Variants in CTTNBP2NL observed in about 807,000 individuals in gnomAD.
CTTNBP2NL encodes the protein CTTNBP2 N-terminal-like protein.
A neutral mutation model predicts 32.5 loss-of-function variants in CTTNBP2NL; 16 were observed. The ratio of observed to expected loss-of-function variants is 0.49; its 90% CI spans 0.33 to 0.75. The LOEUF is 0.75. Among genes scored for constraint, CTTNBP2NL ranks in the 30% least tolerant of loss-of-function variants. CTTNBP2NL has a pLI of 0.02. For synonymous variants in CTTNBP2NL, 298 were observed against 289.4 expected (o/e 1.03, Z -0.30); for missense variants, 645 against 756.0 (o/e 0.85, Z 1.72).
At chr1:112,425,278 C>T (rs912022557) in intron 3 of CTTNBP2NL, among the ~76,000 whole-genome samples, 1 of 151,830 alleles carries the variant, frequency 6.6e-6, no homozygotes, top group Non-Finnish European at 1.5e-5. Context: ...CAAGACCAGC[C>T]TGGTTAACAT....
intron 3 of CTTNBP2NL, among the ~76,000 whole-genome samples, chr1:112,423,566 G>A (rs1199177820): frequency 6.6e-6 from 1 of 151,932 alleles, no homozygotes; most frequent in African/African-American, 2.4e-5. Flanking sequence ...TGCATCTTTT[G>A]TAGACAGGAA....
At chr1:112,432,498 A>G (rs920333169) in intron 3 of CTTNBP2NL, among the ~76,000 whole-genome samples, 1 of 152,176 alleles carries the variant, frequency 6.6e-6, no homozygotes, top group Non-Finnish European at 1.5e-5. Flanking sequence ...TTGTATTATT[A>G]TTAAGTCTCT....
chr1:112,424,481 T>G lies in CTTNBP2NL; in HGVS notation c.99+8217T>G, dbSNP rs1480512226. Among the ~76,000 whole-genome samples, 4 of 152,242 alleles carry G rather than the reference T, an allele frequency of 2.6e-5. No individual in the cohort carries two copies. In the East Asian group the frequency reaches 7.7e-4, roughly 29 times the overall value. On this transcript the variant is annotated intron_variant, in intron 3 of 5. Coordinates refer to ENST00000271277, the MANE Select transcript of CTTNBP2NL (RefSeq NM_018704.3). Reference sequence around the variant, plus strand: ...TTAGTCCTCCAACTTGTATTCTTTTTGAAACTTGCTTTACTTATTTATGGT... The same window carrying G: ...TTAGTCCTCCAACTTGTATTCTTTTGGAAACTTGCTTTACTTATTTATGGT...
intron 3 of CTTNBP2NL, among the ~76,000 whole-genome samples, chr1:112,445,002 C>T (rs901373307): frequency 3.3e-5 from 5 of 152,176 alleles, no homozygotes; most frequent in Non-Finnish European, 7.3e-5. Context: ...TTATAAAAGA[C>T]ATTGGGACTT....
rs1327147531 is a variant in CTTNBP2NL, at chr1:112,430,173, TTTC to T, written c.99+13912_99+13914del. Among the ~76,000 whole-genome samples the T allele has an allele frequency of 8.7e-5, 3 of 34,618 alleles. No homozygotes were observed. In the South Asian group the frequency reaches 6.3e-3, roughly 72 times the overall value. 22.7% of individuals were successfully genotyped at this position (34,618 alleles called of 152,430 possible). A position where few individuals can be genotyped will look rare whatever the true frequency, so the allele number is the denominator to read the frequency against. On this transcript the variant is annotated intron_variant, in intron 3 of 5. Coordinates refer to ENST00000271277, the MANE Select transcript of CTTNBP2NL (RefSeq NM_018704.3). ...TATAAAAGCTAGCTCTTTTCTTTCTTTTCTTTTCTTTTCTTTTCTTTTCTTTTC... is the reference window on the plus strand; with the variant it reads ...TATAAAAGCTAGCTCTTTTCTTTCTTTTTTCTTTTCTTTTCTTTTCTTTTC...
At chr1:112,416,310 G>A in intron 3 of CTTNBP2NL, 46 bp downstream of exon 3, 6 of 959,138 alleles carry the variant, frequency 6.3e-6, no homozygotes, top group Non-Finnish European at 8.1e-6. Flanking sequence ...CATTGTGAAA[G>A]TCATTCATTA....
intron 3 of CTTNBP2NL, among the ~76,000 whole-genome samples, chr1:112,441,317 C>T (rs1439083990): frequency 6.6e-6 from 1 of 152,158 alleles, no homozygotes; most frequent in Admixed American, 6.5e-5. Flanking sequence ...CTCTTTTATG[C>T]CTGGCCTCTT....
intron 2 of CTTNBP2NL, among the ~76,000 whole-genome samples, chr1:112,414,401 C>A (rs976023338): frequency 3.9e-5 from 6 of 152,078 alleles, no homozygotes; most frequent in Non-Finnish European, 8.8e-5. Context: ...GAGGTTACAT[C>A]GAAGATGTTT....
chr1:112,414,384 T>C (rs182541769), intron 2 of CTTNBP2NL, among the ~76,000 whole-genome samples: 111 of 152,220 alleles, frequency 7.3e-4, no homozygotes, highest in African/African-American at 2.6e-3. Flanking sequence ...AATTAGCAGT[T>C]AGAGCTGAGG....
Position 112,449,142 on chromosome 1 carries a change from G to A in CTTNBP2NL, c.300G>A (p.Gln100=). Residue 100 remains glutamine, a synonymous_variant, in exon 4 of 6, where the codon CAG becomes CAA. Coordinates refer to ENST00000271277, the MANE Select transcript of CTTNBP2NL (RefSeq NM_018704.3). The part of the protein sequence containing the change: ...CKNMQERMLS[Q]LAAAESRHRK... Reference sequence around the variant, plus strand: ...ACATGCAGGAGCGCATGCTGTCCCAGCTGGCTGCTGCTGAGAGCAGGCACC... The same window carrying A: ...ACATGCAGGAGCGCATGCTGTCCCAACTGGCTGCTGCTGAGAGCAGGCACC... 6.2e-7 allele frequency: 1 copy of A among 1,612,488 alleles called. No individual in the cohort carries two copies. The highest frequency in any genetic ancestry group is 1.1e-5 in the South Asian group (1 of 91,018).
intron 5 of CTTNBP2NL, among the ~76,000 whole-genome samples, chr1:112,454,852 C>T (rs181990512): frequency 3.8e-4 from 58 of 152,174 alleles, no homozygotes; most frequent in Non-Finnish European, 2.6e-4. Flanking sequence ...ATTATTGTTC[C>T]GTAGAACACT....
Position 112,457,466 on chromosome 1 carries a change from T to C in CTTNBP2NL, c.*54T>C. On this transcript the variant is annotated 3_prime_UTR_variant, in exon 6 of 6. Transcript: ENST00000271277. ...ATTCCATCAGATTTCGTCCAAAAGCTCAGTCAGACTTCTGAGTCAGATTAT... is the reference window on the plus strand; with the variant it reads ...ATTCCATCAGATTTCGTCCAAAAGCCCAGTCAGACTTCTGAGTCAGATTAT... The C allele has an allele frequency of 6.9e-7, 1 of 1,447,868 alleles. No homozygotes were observed. The highest frequency in any genetic ancestry group is 1.3e-5 in the South Asian group (1 of 76,420). 89.7% of individuals were successfully genotyped at this position (1,447,868 alleles called of 1,614,324 possible). A position where few individuals can be genotyped will look rare whatever the true frequency, so the allele number is the denominator to read the frequency against.
chr1:112,453,690 G>A (rs1198122065), intron 4 of CTTNBP2NL, among the ~76,000 whole-genome samples: 1 of 152,054 alleles, frequency 6.6e-6, no homozygotes, highest in African/African-American at 2.4e-5. Context: ...GGAGGCCAAG[G>A]CAGCAGTGAG....
intron 1 of CTTNBP2NL, among the ~76,000 whole-genome samples, chr1:112,403,496 CAG>C (rs1491317260): frequency 6.6e-6 from 1 of 152,162 alleles, no homozygotes; most frequent in East Asian, 1.9e-4. Flanking sequence ...AGACAGAAGA[CAG>C]ATATGTAAAC....
chr1:112,410,855 T>C (rs1648839030), intron 1 of CTTNBP2NL, among the ~76,000 whole-genome samples: 1 of 152,196 alleles, frequency 6.6e-6, no homozygotes, highest in South Asian at 2.1e-4. Context: ...GAGCTGAGCA[T>C]CTAGTTGAAC....
intron 3 of CTTNBP2NL, among the ~76,000 whole-genome samples, chr1:112,424,923 C>G (rs778357271): frequency 2.0e-5 from 3 of 151,910 alleles, no homozygotes; most frequent in Non-Finnish European, 4.4e-5. Flanking sequence ...TCAAGTGATC[C>G]TCCTGCCTTA....
At position 112,424,877 on chromosome 1, in the gene CTTNBP2NL, CATG is replaced by C. The variant is rs546996309; in HGVS notation, c.99+8616_99+8618del. 1.9e-3 allele frequency among the ~76,000 whole-genome samples: 290 copies of C among 152,028 alleles called. 2 individuals are homozygous for C. The highest frequency in any genetic ancestry group is 6.8e-3 in the African/African-American group (282 of 41,476). On this transcript the variant is annotated intron_variant, in intron 3 of 5. Coordinates refer to ENST00000271277, the MANE Select transcript of CTTNBP2NL (RefSeq NM_018704.3). ...CTGTCACCCAGGCTGAGTGTAGTGG[CATG>C]ATCATGGCTCACTGCAGCCTCAAGC...
In CTTNBP2NL at chr1:112,399,331, A is replaced by AAAAG. The variant is rs1444454972; in HGVS notation, c.-134+3062_-134+3063insGAAA. ...GAGACTCTGTCTCAAAAAAAAAAAAAAAAAAAAAGAATAGTTTCTGAGTGT... is the reference window on the plus strand; with the variant it reads ...GAGACTCTGTCTCAAAAAAAAAAAAAAAAGAAAAAAAAGAATAGTTTCTGAGTGT... On this transcript the variant is annotated intron_variant, in intron 1 of 5. Transcript: ENST00000271277. Among the ~76,000 whole-genome samples, 3 of 151,756 alleles carry AAAAG rather than the reference A, an allele frequency of 2.0e-5. No homozygotes were observed. The East Asian group carries it at 5.8e-4, about 29-fold the overall frequency.
chr1:112,437,043 A>G (rs781726638), intron 3 of CTTNBP2NL, among the ~76,000 whole-genome samples: 12 of 152,090 alleles, frequency 7.9e-5, no homozygotes, highest in Non-Finnish European at 1.6e-4. Flanking sequence ...TCAGTCTACC[A>G]CTGTAGGCAC....
Sources: allele counts gnomAD v4.1 joint callset (sites outside exome capture counted in the v4.1 genomes callset), GRCh38; gene constraint gnomAD v4.1.1; transcripts MANE v1.5; gene names NCBI Gene and HGNC (gene_info 2026-07-23, HGNC 2026-07-21).